DCC: variants seen among roughly 807,000 people sequenced by gnomAD.
The protein encoded by DCC is netrin receptor DCC.
In DCC, 58 loss-of-function variants were observed where a neutral mutation model predicts 172.5. The ratio of observed to expected loss-of-function variants is 0.34; its 90% CI spans 0.27 to 0.42. The LOEUF is 0.42. DCC is among the 10% of genes least tolerant of loss of function. DCC has a pLI of 1.00. For missense variants in DCC, 1,740 were observed against 1,791.0 expected (o/e 0.97, Z 0.51); for synonymous variants, 709 against 644.5 (o/e 1.10, Z -1.52).
rs57463219 is a variant in DCC at position 53,212,348 on chromosome 18, G to A, written c.1862-3200G>A. Among the ~76,000 whole-genome samples the A allele has an allele frequency of 4.3e-3, 648 of 152,226 alleles. 6 individuals are homozygous for A. The highest frequency in any genetic ancestry group is 0.015 in the African/African-American group (631 of 41,540). The stretch of plus-strand genomic sequence containing the variant: ...ACTTCTGCCTCATGAAACAAGAAGC[G>A]TCTTGGGAAGACAAATATAGAAAAG... On this transcript the variant is annotated intron_variant, in intron 11 of 28. Coordinates refer to ENST00000442544, the MANE Select transcript of DCC (RefSeq NM_005215.4).
intron 1 of DCC, among the ~76,000 whole-genome samples, chr18:52,376,345 C>T (rs1247509220): frequency 6.6e-6 from 1 of 151,944 alleles, no homozygotes; most frequent in East Asian, 1.9e-4. Context: ...GTTCAACTAC[C>T]CAGTAAGTAG....
intron 7 of DCC, among the ~76,000 whole-genome samples, chr18:53,095,067 C>CA (rs1207309603): frequency 1.3e-5 from 2 of 152,182 alleles, no homozygotes; most frequent in Non-Finnish European, 2.9e-5. Context: ...CAGAAGTCAA[C>CA]AAAGCCTATT....
chr18:53,483,230 C>T (rs1007495804), intron 25 of DCC, among the ~76,000 whole-genome samples: 12 of 151,816 alleles, frequency 7.9e-5, no homozygotes, highest in East Asian at 1.9e-4. Context: ...AGTCTGTTTA[C>T]GTGTTTATAT....
intron 12 of DCC, among the ~76,000 whole-genome samples, chr18:53,290,126 A>G (rs1291267347): frequency 6.6e-6 from 1 of 152,166 alleles, no homozygotes; most frequent in African/African-American, 2.4e-5. Context: ...TATGGTTTGG[A>G]TGTAAAGTGT....
intron 1 of DCC, among the ~76,000 whole-genome samples, chr18:52,670,713 G>A (rs577690657): frequency 2.0e-5 from 3 of 152,222 alleles, no homozygotes; most frequent in East Asian, 3.9e-4. Flanking sequence ...GGTGAAGGGT[G>A]CCTGTAATTC....
intron 14 of DCC, among the ~76,000 whole-genome samples, chr18:53,328,628 G>C (rs556443927): frequency 1.3e-5 from 2 of 151,498 alleles, no homozygotes; most frequent in Non-Finnish European, 2.9e-5. Flanking sequence ...TTCACCTCTC[G>C]GGTTCAAGTG....
chr18:52,790,870 T>A (rs2037751718), intron 2 of DCC, among the ~76,000 whole-genome samples: 1 of 152,204 alleles, frequency 6.6e-6, no homozygotes, highest in African/African-American at 2.4e-5. Flanking sequence ...GAGTTAAATT[T>A]TAGAAAGCTT....
chr18:52,592,515 C>T (rs189270620), intron 1 of DCC, among the ~76,000 whole-genome samples: 99 of 152,136 alleles, frequency 6.5e-4, no homozygotes, highest in African/African-American at 1.9e-3. Flanking sequence ...TCCTTTCTCC[C>T]GGCAAAACTG....
chr18:53,168,204 C>T (rs1332744264), intron 8 of DCC, among the ~76,000 whole-genome samples: 1 of 152,058 alleles, frequency 6.6e-6, no homozygotes, highest in Non-Finnish European at 1.5e-5. Context: ...CCCAGCAATC[C>T]CATTACTGGG....
At chr18:52,683,601 A>G (rs903592066) in intron 1 of DCC, among the ~76,000 whole-genome samples, 2 of 152,092 alleles carry the variant, frequency 1.3e-5, no homozygotes, top group Non-Finnish European at 2.9e-5. Context: ...TACAGAACTA[A>G]GTGTCCAGAT....
intron 1 of DCC, among the ~76,000 whole-genome samples, chr18:52,387,721 T>A (rs918653766): frequency 6.6e-6 from 1 of 151,980 alleles, no homozygotes; most frequent in African/African-American, 2.4e-5. Flanking sequence ...ATTTATAGTT[T>A]GTTCTGGCCT....
chr18:53,530,694 T>C lies in DCC; in HGVS notation c.*41T>C, dbSNP rs763994774. 1.0e-5 allele frequency: 11 copies of C among 1,081,754 alleles called. No individual in the cohort carries two copies. The highest frequency in any genetic ancestry group is 6.8e-5 in the Admixed American group (4 of 59,246). 67.0% of individuals were successfully genotyped at this position (1,081,754 alleles called of 1,614,324 possible). On this transcript the variant is annotated 3_prime_UTR_variant, in exon 29 of 29. Coordinates refer to ENST00000442544, the MANE Select transcript of DCC (RefSeq NM_005215.4). ...GGATGAGGTGAATTTTCCGGGAACTTTGCAGCATACCAATTACCCATAAAC... is the reference window on the plus strand; with the variant it reads ...GGATGAGGTGAATTTTCCGGGAACTCTGCAGCATACCAATTACCCATAAAC...
chr18:52,820,588 A>G (rs910626720), intron 2 of DCC, among the ~76,000 whole-genome samples: 2 of 152,182 alleles, frequency 1.3e-5, no homozygotes, highest in African/African-American at 4.8e-5. Context: ...ACAGAATTGA[A>G]CAGGATGAAA....
chr18:53,445,608 A>C (rs1217555806), intron 22 of DCC, among the ~76,000 whole-genome samples: 3 of 152,246 alleles, frequency 2.0e-5, no homozygotes, highest in Non-Finnish European at 4.4e-5. Flanking sequence ...TGAGAGCAAA[A>C]TATGATAAGA....
intron 1 of DCC, among the ~76,000 whole-genome samples, chr18:52,378,376 G>A (rs1469220481): frequency 6.6e-6 from 1 of 151,498 alleles, no homozygotes; most frequent in Non-Finnish European, 1.5e-5. Flanking sequence ...CATAACTTAA[G>A]CATCCTTACA....
At chr18:53,262,143 G>A (rs1045181741) in intron 12 of DCC, among the ~76,000 whole-genome samples, 2 of 152,166 alleles carry the variant, frequency 1.3e-5, no homozygotes, top group Admixed American at 1.3e-4. Context: ...TGGAGCAGAG[G>A]CTAATCAGAA....
At chr18:53,516,876 G>A (rs1218246402) in intron 27 of DCC, among the ~76,000 whole-genome samples, 2 of 142,344 alleles carry the variant, frequency 1.4e-5, no homozygotes, top group Non-Finnish European at 3.0e-5. Flanking sequence ...CAACCATTGT[G>A]GAAGTCAGTG....
intron 12 of DCC, among the ~76,000 whole-genome samples, chr18:53,258,619 T>G (rs904661691): frequency 6.6e-6 from 1 of 152,218 alleles, no homozygotes; most frequent in African/African-American, 2.4e-5. Flanking sequence ...GCTGAGGAGT[T>G]CTTTACTTCC....
At chr18:53,078,181 C>T (rs1833063003) in intron 7 of DCC, among the ~76,000 whole-genome samples, 1 of 152,076 alleles carries the variant, frequency 6.6e-6, no homozygotes, top group Admixed American at 6.6e-5. Context: ...GTCCCAGCTA[C>T]TTGGGAGATT....
Sources: gnomAD v4.1 joint callset for allele counts (sites outside exome capture counted in the v4.1 genomes callset) on GRCh38, gnomAD v4.1.1 for gene constraint, MANE v1.5 for transcripts, NCBI Gene and HGNC (gene_info 2026-07-23, HGNC 2026-07-21) for gene names.